ABI1: variants seen among roughly 807,000 people sequenced by gnomAD.
ABI1 encodes Abelson interactor 1.
Under a neutral mutation model 54.6 loss-of-function variants are expected in ABI1, and 14 were observed. That is an observed-to-expected ratio of 0.26 (90% CI 0.17 to 0.40). ABI1 has a LOEUF of 0.40. ABI1 is among the 10% of genes least tolerant of loss of function. The pLI is 1.00. For synonymous variants in ABI1, 194 were observed against 209.3 expected (o/e 0.93, Z 0.63); for missense variants, 443 against 598.3 (o/e 0.74, Z 2.71).
intron 10 of ABI1, among the ~76,000 whole-genome samples, 173 bp from the exon 11 acceptor site, chr10:26,748,918 AT>A (rs1837261916): frequency 6.6e-6 from 1 of 152,216 alleles, no homozygotes; most frequent in Non-Finnish European, 1.5e-5. Context: ...TACTTAAATC[AT>A]TGGCTTAATC....
chr10:26,844,370 T>A lies in ABI1; in HGVS notation c.117+16377A>T, dbSNP rs2477941. Among the ~76,000 whole-genome samples, 701 of 152,348 alleles carry A rather than the reference T, an allele frequency of 4.6e-3. 1 individual carries two copies. The highest frequency in any genetic ancestry group is 7.4e-3 in the Non-Finnish European group (506 of 68,030). ...GAGATCATTTTCAACCCACGTCATA[T>A]GTATTTGAAATTTATAAAGACTACA... On this transcript the variant is annotated intron_variant, in intron 1 of 10. Transcript: ENST00000376140.
At chr10:26,808,171 G>A (rs1379558700) in intron 2 of ABI1, among the ~76,000 whole-genome samples, 4 of 151,970 alleles carry the variant, frequency 2.6e-5, no homozygotes, top group South Asian at 2.1e-4. Context: ...CTGTAGTTTC[G>A]GTCTGCTATT....
rs562094511 is a variant in ABI1 at position 26,825,552 on chromosome 10, T to C, written c.118-2247A>G. On this transcript the variant is annotated intron_variant, in intron 1 of 10. Coordinates refer to ENST00000376140, the MANE Select transcript of ABI1 (RefSeq NM_001012750.3). ...GGTATGTGCCTGTAATCCCAGCTACTTGGGAGGCTGAGGCAGGAGAATCGC... is the reference window on the plus strand; with the variant it reads ...GGTATGTGCCTGTAATCCCAGCTACCTGGGAGGCTGAGGCAGGAGAATCGC... Among the ~76,000 whole-genome samples the C allele has an allele frequency of 3.3e-5, 5 of 152,200 alleles. 1 individual carries two copies. The Middle Eastern group carries it at 0.017, about 518-fold the overall frequency.
chr10:26,817,884 G>A (rs1384199381), intron 2 of ABI1, among the ~76,000 whole-genome samples: 4 of 151,862 alleles, frequency 2.6e-5, no homozygotes, highest in South Asian at 2.1e-4. Context: ...GGCCGGGCAC[G>A]GTGGCTCATG....
At chr10:26,852,534 T>G (rs1285689126) in intron 1 of ABI1, among the ~76,000 whole-genome samples, 8 of 152,176 alleles carry the variant, frequency 5.3e-5, no homozygotes, top group Non-Finnish European at 1.0e-4. Context: ...TTGCTAATAT[T>G]TGACGTAGTA....
intron 8 of ABI1, among the ~76,000 whole-genome samples, chr10:26,758,068 C>CAAAAAA (rs71403888): frequency 3.0e-5 from 2 of 67,400 alleles, no homozygotes; most frequent in Non-Finnish European, 5.7e-5. Flanking sequence ...AACTCTGTCT[C>CAAAAAA]AAAAAAAAAA....
chr10:26,758,987 A>T, intron 8 of ABI1, 75 bp downstream of exon 8: 1 of 1,393,886 alleles, frequency 7.2e-7, no homozygotes, highest in Non-Finnish European at 9.8e-7. Context: ...TATCACTGGC[A>T]AGAATAACAG....
chr10:26,853,987 A>C (rs1386133448), intron 1 of ABI1, among the ~76,000 whole-genome samples: 1 of 152,172 alleles, frequency 6.6e-6, no homozygotes, highest in African/African-American at 2.4e-5. Flanking sequence ...TAACTGTCTT[A>C]ATTCTTAGGA....
At chr10:26,846,158 T>C in intron 1 of ABI1, among the ~76,000 whole-genome samples, 1 of 149,924 alleles carries the variant, frequency 6.7e-6, no homozygotes, top group African/African-American at 2.5e-5. Context: ...AAAAAAAAGA[T>C]TTTAGAAAAA....
At chr10:26,832,240 G>A (rs909485906) in intron 1 of ABI1, among the ~76,000 whole-genome samples, 1 of 152,152 alleles carries the variant, frequency 6.6e-6, no homozygotes, top group African/African-American at 2.4e-5. Context: ...TAGAATTCAT[G>A]AAATACAGTA....
At chr10:26,761,661 T>TATATATATATATAC (rs1375832167) in intron 7 of ABI1, among the ~76,000 whole-genome samples, 15 of 78,922 alleles carry the variant, frequency 1.9e-4, no homozygotes, top group Non-Finnish European at 2.6e-4. Flanking sequence ...TATATATATA[T>TATATATATATATAC]ACACACACAC....
chr10:26,765,585 C>G (rs371658868), intron 6 of ABI1, among the ~76,000 whole-genome samples: 1 of 149,152 alleles, frequency 6.7e-6, no homozygotes, highest in East Asian at 2.0e-4. Context: ...ATTTTCAACC[C>G]GAGACTGCCT....
intron 1 of ABI1, among the ~76,000 whole-genome samples, chr10:26,855,383 T>G (rs72629738): frequency 0.021 from 3,253 of 152,250 alleles, 228 homozygotes; most frequent in East Asian, 0.2. Context: ...GTGAAAACAG[T>G]ATGATATGAA....
intron 1 of ABI1, among the ~76,000 whole-genome samples, chr10:26,843,369 G>A (rs774959401): frequency 7.7e-5 from 11 of 143,218 alleles, no homozygotes; most frequent in Non-Finnish European, 9.0e-5. Context: ...CAGGAGAATC[G>A]CTTGAACCTT....
At chr10:26,769,905 C>T (rs1316850034) in intron 5 of ABI1, among the ~76,000 whole-genome samples, 1 of 152,204 alleles carries the variant, frequency 6.6e-6, no homozygotes, top group Non-Finnish European at 1.5e-5. Context: ...AATATAGATA[C>T]TGTAAACACA....
At chr10:26,778,380 C>T (rs531057901) in intron 2 of ABI1, among the ~76,000 whole-genome samples, 78 of 151,720 alleles carry the variant, frequency 5.1e-4, no homozygotes, top group African/African-American at 1.7e-3. Flanking sequence ...TAAGAAGATC[C>T]CACTAGCAGA....
At chr10:26,757,525 A>C (rs1212052905) in intron 8 of ABI1, among the ~76,000 whole-genome samples, 1 of 152,194 alleles carries the variant, frequency 6.6e-6, no homozygotes, top group African/African-American at 2.4e-5. Context: ...AATAAAGTTG[A>C]TGAAACAAGT....
intron 7 of ABI1, among the ~76,000 whole-genome samples, chr10:26,760,022 A>G (rs982345905): frequency 1.3e-5 from 2 of 151,506 alleles, no homozygotes; most frequent in Non-Finnish European, 2.9e-5. Flanking sequence ...TAGCAAATCT[A>G]TTCTCTTTCT....
At chr10:26,835,094 A>AC (rs1451244862) in intron 1 of ABI1, among the ~76,000 whole-genome samples, 7 of 124,728 alleles carry the variant, frequency 5.6e-5, no homozygotes, top group Non-Finnish European at 1.2e-4. Flanking sequence ...ACCTCAAAAA[A>AC]AAAAAAAAAA....
Sources: gnomAD v4.1 joint callset for allele counts (sites outside exome capture counted in the v4.1 genomes callset) on GRCh38, gnomAD v4.1.1 for gene constraint, MANE v1.5 for transcripts, NCBI Gene and HGNC (gene_info 2026-07-23, HGNC 2026-07-21) for gene names.